Variants in PRKAR2A observed in about 807,000 individuals in gnomAD.
PRKAR2A encodes the protein protein kinase cAMP-dependent type II regulatory subunit alpha, also known as cAMP-dependent protein kinase type II-alpha regulatory subunit.
Under a neutral mutation model 51.9 loss-of-function variants are expected in PRKAR2A, and 29 were observed. That is an observed-to-expected ratio of 0.56 (90% confidence interval 0.42 to 0.76). The LOEUF is 0.76. PRKAR2A is among the 30% of genes least tolerant of loss of function. PRKAR2A has a pLI of 0.00. For missense variants in PRKAR2A, 445 were observed against 512.1 expected (o/e 0.87, Z 1.26); for synonymous variants, 178 against 186.2 (o/e 0.96, Z 0.36).
At chr3:48,783,877 G>A (rs1365370590) in intron 4 of PRKAR2A, among the ~76,000 whole-genome samples, 5 of 152,172 alleles carry the variant, frequency 3.3e-5, no homozygotes, top group South Asian at 2.1e-4. Context: ...CACCACGTCC[G>A]GTGAACTCCA....
chr3:48,757,015 G>T (rs1250748903), intron 8 of PRKAR2A, among the ~76,000 whole-genome samples: 1 of 152,150 alleles, frequency 6.6e-6, no homozygotes, highest in Non-Finnish European at 1.5e-5. Context: ...GCTATGTTGG[G>T]TAGGTATCTT....
chr3:48,788,156 G>A lies in PRKAR2A; in HGVS notation c.435+2388C>T, dbSNP rs535705063. 5.9e-5 allele frequency among the ~76,000 whole-genome samples: 9 copies of A among 152,082 alleles called. No individual in the cohort carries two copies. In the South Asian group the frequency reaches 1.7e-3, roughly 28 times the overall value. ...AGCAATTCTCCTGCCTCAGCCTCCC[G>A]AGTAGCTGAGACTACAGGTGCGCGC... On this transcript the variant is annotated intron_variant, in intron 4 of 10. Coordinates refer to ENST00000265563, the MANE Select transcript of PRKAR2A (RefSeq NM_004157.4).
rs189628156 is a variant in PRKAR2A, at chr3:48,822,079, C to T, written c.263-14395G>A. 1.5e-3 allele frequency among the ~76,000 whole-genome samples: 228 copies of T among 151,506 alleles called. 1 individual carries two copies. Among genetic ancestry groups the T allele is most frequent in the Non-Finnish European group, 2.5e-3 (172 of 67,920 alleles). ...TCTCTAATATAGCTGGACATGGTGG[C>T]GCATGCCCGTAATCCCAGCTACTCA... On this transcript the variant is annotated intron_variant, in intron 1 of 10. Transcript: ENST00000265563.
At chr3:48,755,673 T>C (rs2081749199) in intron 9 of PRKAR2A, among the ~76,000 whole-genome samples, 1 of 150,534 alleles carries the variant, frequency 6.6e-6, no homozygotes, top group Non-Finnish European at 1.5e-5. Context: ...AGTGGCACAA[T>C]CACGGTTCAC....
chr3:48,750,995 C>G lies in PRKAR2A; in HGVS notation c.*590G>C, dbSNP rs747643510. ...CTAAGCATCACTGTGGGTTTGGAGA[C>G]AGCTGTAATGTGTGCAGCTGTCAGC... On this transcript the variant is annotated 3_prime_UTR_variant, in exon 11 of 11. Transcript: ENST00000265563. 1 of 250,628 alleles carries G rather than the reference C, an allele frequency of 4.0e-6. No individual in the cohort carries two copies. The highest frequency in any genetic ancestry group is 7.9e-6 in the Non-Finnish European group (1 of 126,842). 15.5% of individuals were successfully genotyped at this position (250,628 alleles called of 1,614,324 possible). A position where few individuals can be genotyped will look rare whatever the true frequency, so the allele number is the denominator to read the frequency against.
At chr3:48,766,388 T>A (rs1285578484) in intron 6 of PRKAR2A, among the ~76,000 whole-genome samples, 3 of 150,738 alleles carry the variant, frequency 2.0e-5, no homozygotes, top group Non-Finnish European at 4.4e-5. Flanking sequence ...TGCAACATGG[T>A]GAAACCCCAT....
At chr3:48,746,388 T>C (rs559196391), downstream of PRKAR2A, among the ~76,000 whole-genome samples, 18 of 142,682 alleles carry the variant, frequency 1.3e-4, no homozygotes, top group East Asian at 2.8e-3. Flanking sequence ...AGAATCTTTA[T>C]ACACATACAC....
chr3:48,818,381 T>G (rs2082905709), intron 1 of PRKAR2A, among the ~76,000 whole-genome samples: 1 of 152,250 alleles, frequency 6.6e-6, no homozygotes, highest in African/African-American at 2.4e-5. Context: ...ATTTTTAATA[T>G]CTGACAACAC....
At chr3:48,828,726 AAAAG>A (rs1559645530) in intron 1 of PRKAR2A, among the ~76,000 whole-genome samples, 3 of 151,084 alleles carry the variant, frequency 2.0e-5, no homozygotes, top group African/African-American at 2.4e-5. Context: ...AAAAAAAAAA[AAAAG>A]AAAGAAAGAA....
At chr3:48,760,707 T>C (rs984318456) in intron 8 of PRKAR2A, among the ~76,000 whole-genome samples, 1 of 149,872 alleles carries the variant, frequency 6.7e-6, no homozygotes, top group Non-Finnish European at 1.5e-5. Context: ...TGGTGGTGCA[T>C]GCCTGTAATC....
intron 1 of PRKAR2A, among the ~76,000 whole-genome samples, chr3:48,813,232 CAAAAAAAAA>C (rs35033928): frequency 7.5e-5 from 6 of 80,492 alleles, no homozygotes; most frequent in Non-Finnish European, 1.0e-4. Context: ...CTATCTCTAC[CAAAAAAAAA>C]AAAAAAAAAA....
Position 48,808,252 on chromosome 3 carries a change from GT to G in PRKAR2A, c.263-569del, listed in dbSNP as rs1358482229. Among the ~76,000 whole-genome samples the G allele has an allele frequency of 8.2e-5, 11 of 134,666 alleles. No individual in the cohort carries two copies. In the East Asian group the frequency reaches 2.4e-3, roughly 29 times the overall value. 88.3% of individuals were successfully genotyped at this position (134,666 alleles called of 152,430 possible). A position where few individuals can be genotyped will look rare whatever the true frequency, so the allele number is the denominator to read the frequency against. On this transcript the variant is annotated intron_variant, in intron 1 of 10. Coordinates refer to ENST00000265563, the MANE Select transcript of PRKAR2A (RefSeq NM_004157.4). ...TTTAAGAGATGGGTTTTTTGTTTTT[GT>G]TTTGTTTTGTTTTGTTTTGAGACGG... is the stretch of plus-strand genomic sequence containing the variant.
chr3:48,762,678 T>C (rs576070602), intron 8 of PRKAR2A, among the ~76,000 whole-genome samples: 31 of 152,118 alleles, frequency 2.0e-4, no homozygotes, highest in African/African-American at 7.5e-4. Flanking sequence ...AGAGAATAGC[T>C]TGAACCTGGG....
At chr3:48,808,452 A>G (rs970166360) in intron 1 of PRKAR2A, among the ~76,000 whole-genome samples, 1 of 152,092 alleles carries the variant, frequency 6.6e-6, no homozygotes, top group Non-Finnish European at 1.5e-5. Context: ...ACGGGGTTTC[A>G]CCGTGTTAGC....
At chr3:48,842,055 T>C (rs2083389451) in intron 1 of PRKAR2A, among the ~76,000 whole-genome samples, 1 of 152,206 alleles carries the variant, frequency 6.6e-6, no homozygotes, top group South Asian at 2.1e-4. Flanking sequence ...GCATGGAATG[T>C]TCTTCCATTT....
chr3:48,774,949 C>T (rs1296074003), intron 5 of PRKAR2A, among the ~76,000 whole-genome samples: 1 of 152,026 alleles, frequency 6.6e-6, no homozygotes, highest in Non-Finnish European at 1.5e-5. Context: ...TAAGAAAAAA[C>T]AATTTTTCAC....
chr3:48,814,333 G>C (rs549296339), intron 1 of PRKAR2A, among the ~76,000 whole-genome samples: 15 of 152,110 alleles, frequency 9.9e-5, no homozygotes, highest in African/African-American at 3.4e-4. Context: ...CAAGAGAATT[G>C]CTTGAACCAC....
At chr3:48,803,392 G>A (rs1039829512) in intron 2 of PRKAR2A, among the ~76,000 whole-genome samples, 4 of 152,076 alleles carry the variant, frequency 2.6e-5, no homozygotes, top group Admixed American at 2.6e-4. Flanking sequence ...CCCAGCCTGG[G>A]CAATAGAAGG....
intron 2 of PRKAR2A, among the ~76,000 whole-genome samples, chr3:48,802,520 A>G (rs547191953): frequency 8.4e-4 from 128 of 152,222 alleles, no homozygotes; most frequent in African/African-American, 3.0e-3. Flanking sequence ...CCTGGCAAAC[A>G]TGGCAAAACC....
Sources: gnomAD v4.1 joint callset for allele counts (sites outside exome capture counted in the v4.1 genomes callset) on GRCh38, gnomAD v4.1.1 for gene constraint, MANE v1.5 for transcripts, NCBI Gene and HGNC (gene_info 2026-07-23, HGNC 2026-07-21) for gene names.